Variants in SMIM18 observed in about 807,000 individuals in gnomAD.
SMIM18 encodes the protein small integral membrane protein 18.
SMIM18 carries 4 observed loss-of-function variants against 5.9 expected under a neutral mutation model. The ratio of observed to expected loss-of-function variants is 0.68; its 90% CI spans 0.33 to 1.56. The LOEUF (loss-of-function observed/expected upper bound fraction) is 1.56, where lower values mean the gene tolerates loss of function less well. Ranked by LOEUF, SMIM18 falls within the 40% of genes most tolerant of loss-of-function variation. The probability of loss-of-function intolerance (pLI) is 0.06; values close to 1 mark genes in which losing one functional copy is unlikely to be tolerated. For synonymous variants in SMIM18, 37 were observed against 37.4 expected, an observed-to-expected ratio of 0.99 and a Z score of 0.04; for missense variants, 89 against 109.7, an observed-to-expected ratio of 0.81 and a Z score of 0.84.
Position 30,645,610 on chromosome 8 carries a change from G to A in SMIM18, c.*13G>A. On this transcript the variant is annotated 3_prime_UTR_variant, in exon 3 of 3. Coordinates refer to ENST00000517349, the MANE Select transcript of SMIM18 (RefSeq NM_001206847.2). ...TGAAGTGGTCTAACACTCTATAGAA[G>A]ATGAACAAAATCTCTGAAAGCAGCT... 17 of 1,518,104 alleles carry A rather than the reference G, an allele frequency of 1.1e-5. No homozygotes were observed. The highest frequency in any genetic ancestry group is 1.5e-5 in the Non-Finnish European group (17 of 1,138,292). 94.0% of individuals were successfully genotyped at this position (1,518,104 alleles called of 1,614,324 possible). A position where few individuals can be genotyped will look rare whatever the true frequency, so the allele number is the denominator to read the frequency against.
Position 30,645,392 on chromosome 8 carries a change from A to G in SMIM18, c.83A>G (p.His28Arg). The change falls in exon 3 of 3, where the codon CAT becomes CGT. Residue 28 changes from histidine (H) to arginine (R), a missense_variant. Physicochemically the swap from His to Arg is conservative, Grantham distance 29 (BLOSUM62 0). Coordinates refer to ENST00000517349, the MANE Select transcript of SMIM18 (RefSeq NM_001206847.2). ...CAAGTTCAAAAAATTTACCCTTTCC[A>G]TGACAACTGGAACACTGCCTGCTTT... The part of the protein sequence containing the change: ...GFQVQKIYPF[H>R]DNWNTACFVI... The G allele has an allele frequency of 6.5e-7, 1 of 1,535,696 alleles. No homozygotes were observed. The highest frequency in any genetic ancestry group is 2.4e-5 in the East Asian group (1 of 40,906).
chr8:30,640,555 G>A (rs904711545), intron 1 of SMIM18, among the ~76,000 whole-genome samples: 14 of 152,072 alleles, frequency 9.2e-5, no homozygotes, highest in African/African-American at 2.2e-4. Context: ...GCATGGGTAG[G>A]GAAGTCCAGA....
intron 1 of SMIM18, among the ~76,000 whole-genome samples, chr8:30,642,247 T>C (rs923220304): frequency 7.9e-5 from 12 of 151,276 alleles, no homozygotes; most frequent in African/African-American, 2.9e-4. Context: ...ATGTGTTACA[T>C]TTTGAAAGCA....
chr8:30,644,376 C>A (rs1280467384), intron 1 of SMIM18, 116 bp from the exon 2 acceptor site: 1 of 152,096 alleles, frequency 6.6e-6, no homozygotes, highest in Non-Finnish European at 1.5e-5. Flanking sequence ...TTAAGACTAT[C>A]ATTTATAACC....
At chr8:30,640,785 A>G (rs1454750643) in intron 1 of SMIM18, among the ~76,000 whole-genome samples, 1 of 152,120 alleles carries the variant, frequency 6.6e-6, no homozygotes, top group African/African-American at 2.4e-5. Flanking sequence ...GCTCACTGCA[A>G]CCTCTGCCGC....
In SMIM18 at chr8:30,644,538, G is replaced by A. The variant is rs1417834314; in HGVS notation, c.-64G>A. The A allele has an allele frequency of 6.6e-6, 1 of 152,056 alleles. No individual in the cohort carries two copies. The highest frequency in any genetic ancestry group is 1.5e-5 in the Non-Finnish European group (1 of 68,010). 9.4% of individuals were successfully genotyped at this position (152,056 alleles called of 1,614,324 possible). On this transcript the variant is annotated 5_prime_UTR_variant, in exon 2 of 3. Transcript: ENST00000517349. The stretch of plus-strand genomic sequence containing the variant: ...ACCTGTCATCGAAGTTTAAAGAAGG[G>A]GAAACAGGAGACAGAAATACACTGA...
chr8:30,639,683 A>G (rs1201096507), intron 1 of SMIM18, among the ~76,000 whole-genome samples: 1 of 152,132 alleles, frequency 6.6e-6, no homozygotes, highest in Non-Finnish European at 1.5e-5. Context: ...TTAGAACTCC[A>G]TCTATATACT....
intron 1 of SMIM18, among the ~76,000 whole-genome samples, chr8:30,642,679 C>T (rs1020680007): frequency 1.3e-5 from 2 of 152,180 alleles, no homozygotes; most frequent in African/African-American, 4.8e-5. Context: ...TTCCCTCTTC[C>T]TATATACACT....
rs1801691325 is a variant in SMIM18, at chr8:30,638,612, G to A, written c.-138G>A. On this transcript the variant is annotated 5_prime_UTR_variant, in exon 1 of 3. Coordinates refer to ENST00000517349, the MANE Select transcript of SMIM18 (RefSeq NM_001206847.2). ...TGCATTACAAACAGACGATACCATC[G>A]CTTCAGCAGCATCCTCTCAGACAAG... 2.0e-5 allele frequency: 3 copies of A among 152,576 alleles called. No individual in the cohort carries two copies. Among genetic ancestry groups the A allele is most frequent in the East Asian group, 1.9e-4 (1 of 5,194 alleles). 9.5% of individuals were successfully genotyped at this position (152,576 alleles called of 1,614,324 possible).
rs539320642 is a variant in SMIM18, at chr8:30,645,599, ACT to A, written c.*5_*6del. The A allele has an allele frequency of 6.5e-6, 10 of 1,531,518 alleles. No homozygotes were observed. Among genetic ancestry groups the A allele is most frequent in the Non-Finnish European group, 7.9e-6 (9 of 1,145,020 alleles). 94.9% of individuals were successfully genotyped at this position (1,531,518 alleles called of 1,614,324 possible). A position where few individuals can be genotyped will look rare whatever the true frequency, so the allele number is the denominator to read the frequency against. On this transcript the variant is annotated 3_prime_UTR_variant, in exon 3 of 3. Transcript: ENST00000517349. Reference sequence around the variant, plus strand: ...AAACGTGAAACTGAAGTGGTCTAACACTCTATAGAAGATGAACAAAATCTCTG... The same window carrying A: ...AAACGTGAAACTGAAGTGGTCTAACACTATAGAAGATGAACAAAATCTCTG...
Position 30,645,142 on chromosome 8 carries a change from A to C in SMIM18, c.-29-139A>C, listed in dbSNP as rs527575702. On this transcript the variant is annotated intron_variant, in intron 2 of 2. Transcript: ENST00000517349. ...GGACGTTGGCCCAGATATACAAAAA[A>C]ATTCAAAACTACCATTTAGGCATTA... The C allele has an allele frequency of 4.0e-6, 3 of 757,754 alleles. No homozygotes were observed. The East Asian group carries it at 8.1e-5, about 21-fold the overall frequency. 46.9% of individuals were successfully genotyped at this position (757,754 alleles called of 1,614,324 possible).
In SMIM18 at chr8:30,645,382, T is replaced by C. The variant is rs1343284300; in HGVS notation, c.73T>C (p.Tyr25His). 6.5e-6 allele frequency: 10 copies of C among 1,535,588 alleles called. No individual in the cohort carries two copies. Among genetic ancestry groups the C allele is most frequent in the South Asian group, 4.8e-5 (4 of 84,072 alleles). ...QYLGFQVQKI[Y>H]PFHDNWNTAC... is the part of the protein sequence containing the mutation. ...CCTTGGTTTTCAAGTTCAAAAAATT[T>C]ACCCTTTCCATGACAACTGGAACAC... Residue 25 changes from tyrosine to histidine, a missense_variant, in exon 3 of 3, where the codon TAC becomes CAC. Coordinates refer to ENST00000517349, the MANE Select transcript of SMIM18 (RefSeq NM_001206847.2).
At chr8:30,638,822 T>C (rs1248384401) in intron 1 of SMIM18, among the ~76,000 whole-genome samples, 183 bp downstream of exon 1, 1 of 152,256 alleles carries the variant, frequency 6.6e-6, no homozygotes. Flanking sequence ...CTTGTGCTAT[T>C]TGATAAGCAC....
At chr8:30,638,852 A>T (rs1022588341) in intron 1 of SMIM18, among the ~76,000 whole-genome samples, 10 of 152,202 alleles carry the variant, frequency 6.6e-5, no homozygotes, top group African/African-American at 2.4e-4. Context: ...CTGTGCCTTA[A>T]TGGAAAATTC....
rs4733195 is a variant in SMIM18, at chr8:30,641,474, C to A, written c.-111+2835C>A. Among the ~76,000 whole-genome samples, 1,062 of 152,300 alleles carry A rather than the reference C, an allele frequency of 7.0e-3. 59 individuals are homozygous for A. The highest frequency in any genetic ancestry group is 0.06 in the Admixed American group (917 of 15,304). On this transcript the variant is annotated intron_variant, in intron 1 of 2. Coordinates refer to ENST00000517349, the MANE Select transcript of SMIM18 (RefSeq NM_001206847.2). ...ACCTCCTAGGCTCAAGCTATCCCCC[C>A]ACCTGAGCCTCCCAAGTAGCCGAGA...
rs1372215394 is a variant in SMIM18, at chr8:30,645,238, T to C, written c.-29-43T>C. 4.3e-6 allele frequency: 6 copies of C among 1,403,330 alleles called. No homozygotes were observed. In the Admixed American group the frequency reaches 1.3e-4, roughly 30 times the overall value. The allele number at this position is 1,403,330 out of a possible 1,614,324, so 86.9% of individuals were successfully genotyped here. A position where few individuals can be genotyped will look rare whatever the true frequency, so the allele number is the denominator to read the frequency against. On this transcript the variant is annotated intron_variant, in intron 2 of 2. Coordinates refer to ENST00000517349, the MANE Select transcript of SMIM18 (RefSeq NM_001206847.2). ...TAGTACTGAGATTTGAATTAACAGA[T>C]CTGTAGTTTGCTACATAAATTCATT... is the stretch of plus-strand genomic sequence containing the variant.
intron 1 of SMIM18, among the ~76,000 whole-genome samples, chr8:30,640,451 C>T (rs1051676286): frequency 6.6e-6 from 1 of 151,528 alleles, no homozygotes; most frequent in East Asian, 1.9e-4. Flanking sequence ...GTAAACATAC[C>T]AAAATTAACA....
intron 1 of SMIM18, among the ~76,000 whole-genome samples, chr8:30,641,821 A>G (rs1166026025): frequency 6.6e-6 from 1 of 151,926 alleles, no homozygotes; most frequent in Non-Finnish European, 1.5e-5. Flanking sequence ...GGTTGCAGTG[A>G]GTCAAGATTG....
At chr8:30,644,083 A>T (rs1801965999) in intron 1 of SMIM18, among the ~76,000 whole-genome samples, 1 of 152,248 alleles carries the variant, frequency 6.6e-6, no homozygotes, top group Non-Finnish European at 1.5e-5. Flanking sequence ...TATAATTTTT[A>T]AAACTAAATG....
Sources: allele counts gnomAD v4.1 joint callset (sites outside exome capture counted in the v4.1 genomes callset), GRCh38; gene constraint gnomAD v4.1.1; transcripts MANE v1.5; gene names NCBI Gene and HGNC (gene_info 2026-07-23, HGNC 2026-07-21).